Variants in SLC25A48 observed in about 807,000 individuals in gnomAD.
The protein encoded by SLC25A48 is solute carrier family 25 member 48.
A neutral mutation model predicts 32.2 loss-of-function variants in SLC25A48; 29 were observed. The observed-to-expected ratio is 0.90, with a 90% confidence interval of 0.67 to 1.23. The LOEUF (loss-of-function observed/expected upper bound fraction) is 1.23, where lower values mean the gene tolerates loss of function less well. Among genes scored for constraint, SLC25A48 ranks in the 50% most tolerant of loss-of-function variants. The pLI is 0.00. For synonymous variants in SLC25A48, 164 were observed against 172.3 expected, an observed-to-expected ratio of 0.95 and a Z score of 0.38; for missense variants, 399 against 422.7, an observed-to-expected ratio of 0.94 and a Z score of 0.49.
intron 2 of SLC25A48, among the ~76,000 whole-genome samples, chr5:135,633,480 A>T (rs553904814): frequency 6.6e-6 from 1 of 152,106 alleles, no homozygotes; most frequent in South Asian, 2.1e-4. Flanking sequence ...ACATGCCAGG[A>T]AAGGCCATGT....
At chr5:135,857,683 G>A (rs1760446231) in intron 4 of SLC25A48, among the ~76,000 whole-genome samples, 1 of 152,218 alleles carries the variant, frequency 6.6e-6, no homozygotes, top group Non-Finnish European at 1.5e-5. Context: ...AACCATGGTG[G>A]TAGGGAAATA....
intron 3 of SLC25A48, among the ~76,000 whole-genome samples, chr5:135,703,395 G>A (rs1754437032): frequency 6.6e-6 from 1 of 152,200 alleles, no homozygotes; most frequent in Admixed American, 6.5e-5. Context: ...GTGAGAAGCT[G>A]CCTTTTCTTA....
intron 3 of SLC25A48, among the ~76,000 whole-genome samples, chr5:135,807,451 C>T (rs1757489042): frequency 6.7e-6 from 1 of 150,260 alleles, no homozygotes; most frequent in African/African-American, 2.4e-5. Flanking sequence ...ATCATGGATA[C>T]TTTATTAATG....
chr5:135,580,702 A>G (rs1287442837), intron 1 of SLC25A48, among the ~76,000 whole-genome samples: 7 of 152,140 alleles, frequency 4.6e-5, no homozygotes. Context: ...AAATATAGAA[A>G]CAACACGTTT....
At chr5:135,751,465 G>A (rs1223477086) in intron 3 of SLC25A48, among the ~76,000 whole-genome samples, 1 of 152,146 alleles carries the variant, frequency 6.6e-6, no homozygotes, top group East Asian at 1.9e-4. Context: ...GAGGACACAA[G>A]CCAGGGGTTT....
At chr5:135,630,054 A>G (rs913010179) in intron 2 of SLC25A48, among the ~76,000 whole-genome samples, 4 of 152,186 alleles carry the variant, frequency 2.6e-5, no homozygotes, top group African/African-American at 9.7e-5. Context: ...TTCCACCAGG[A>G]GGATTTGTTC....
chr5:135,736,667 C>T (rs1434626653), intron 3 of SLC25A48, among the ~76,000 whole-genome samples: 2 of 152,068 alleles, frequency 1.3e-5, no homozygotes, highest in East Asian at 3.9e-4. Context: ...AGGCAGGCAT[C>T]CCCGTGTGAT....
At chr5:135,819,149 AG>A (rs1757814726) in intron 4 of SLC25A48, among the ~76,000 whole-genome samples, 1 of 151,952 alleles carries the variant, frequency 6.6e-6, no homozygotes, top group Non-Finnish European at 1.5e-5. Context: ...GAGAAGAAAT[AG>A]GCTAAAAAAA....
intron 3 of SLC25A48, among the ~76,000 whole-genome samples, chr5:135,808,517 A>G (rs1297794575): frequency 2.0e-5 from 3 of 152,102 alleles, no homozygotes; most frequent in Non-Finnish European, 4.4e-5. Context: ...GCTTAAAAAA[A>G]TACCCAAATC....
chr5:135,655,496 GC>G (rs1195108764), intron 3 of SLC25A48, among the ~76,000 whole-genome samples: 11 of 152,170 alleles, frequency 7.2e-5, no homozygotes, highest in African/African-American at 2.2e-4. Context: ...CCAGCCCAGA[GC>G]TCCACTGGAT....
intron 3 of SLC25A48, among the ~76,000 whole-genome samples, chr5:135,789,884 C>G (rs1756980634): frequency 6.6e-6 from 1 of 151,952 alleles, no homozygotes; most frequent in Non-Finnish European, 1.5e-5. Context: ...GTGTACACCT[C>G]TTGAGACATT....
At chr5:135,886,132 T>C (rs1198749552) in intron 7 of SLC25A48, among the ~76,000 whole-genome samples, 1 of 152,182 alleles carries the variant, frequency 6.6e-6, no homozygotes, top group African/African-American at 2.4e-5. Context: ...TTGTAATGTT[T>C]TAATTTTTTT....
intron 3 of SLC25A48, among the ~76,000 whole-genome samples, chr5:135,705,658 G>C (rs1180887185): frequency 6.6e-6 from 1 of 152,180 alleles, no homozygotes; most frequent in African/African-American, 2.4e-5. Flanking sequence ...TAGTTGGCTG[G>C]AGTCAACCTT....
intron 3 of SLC25A48, among the ~76,000 whole-genome samples, chr5:135,711,580 C>T (rs1292632349): frequency 2.0e-5 from 3 of 152,150 alleles, no homozygotes; most frequent in African/African-American, 7.2e-5. Context: ...AGTGCTAAGA[C>T]CATTAGACAA....
chr5:135,702,843 G>T (rs4643948), intron 3 of SLC25A48, among the ~76,000 whole-genome samples: 1 of 152,112 alleles, frequency 6.6e-6, no homozygotes, highest in African/African-American at 2.4e-5. Context: ...TGGGGCTTCC[G>T]GGAGCACCCT....
chr5:135,615,706 C>T (rs1217693562), intron 1 of SLC25A48, among the ~76,000 whole-genome samples: 1 of 151,866 alleles, frequency 6.6e-6, no homozygotes, highest in Non-Finnish European at 1.5e-5. Flanking sequence ...GTTTGCATAA[C>T]TGAAGTTTGC....
intron 5 of SLC25A48, chr5:135,872,088 C>A: frequency 9.7e-7 from 1 of 1,033,762 alleles, no homozygotes; most frequent in Non-Finnish European, 1.2e-6. Context: ...TCGGTTTCCC[C>A]ATTTCACAGA....
chr5:135,663,515 T>A (rs1381093867), intron 3 of SLC25A48, among the ~76,000 whole-genome samples: 1 of 152,216 alleles, frequency 6.6e-6, no homozygotes, highest in African/African-American at 2.4e-5. Flanking sequence ...TAAAGTAATA[T>A]CATTTCATCT....
At chr5:135,790,204 TG>T (rs1378331791) in intron 3 of SLC25A48, among the ~76,000 whole-genome samples, 1 of 151,948 alleles carries the variant, frequency 6.6e-6, no homozygotes, top group Non-Finnish European at 1.5e-5. Flanking sequence ...TCTAGGGGGA[TG>T]TTTTTCCTAA....
Sources: gnomAD v4.1 joint callset for allele counts (sites outside exome capture counted in the v4.1 genomes callset) on GRCh38, gnomAD v4.1.1 for gene constraint, MANE v1.5 for transcripts, NCBI Gene and HGNC (gene_info 2026-07-23, HGNC 2026-07-21) for gene names.